RPH3A: variants seen among roughly 807,000 people sequenced by gnomAD.
The protein encoded by RPH3A is rabphilin 3A, also known as rabphilin-3A.
RPH3A carries 48 observed loss-of-function variants against 102.2 expected under a neutral mutation model. The observed-to-expected ratio is 0.47, with a 90% CI of 0.37 to 0.60. RPH3A has a LOEUF of 0.60. RPH3A is among the 20% of genes least tolerant of loss of function. The pLI is 0.00. For synonymous variants in RPH3A, 310 were observed against 324.3 expected (o/e 0.96, Z 0.47); for missense variants, 781 against 910.1 (o/e 0.86, Z 1.83).
intron 2 of RPH3A, among the ~76,000 whole-genome samples, chr12:112,822,557 G>T (rs1430011269): frequency 6.6e-6 from 1 of 152,224 alleles, no homozygotes. Context: ...TGGCAAAGGA[G>T]GAGAAGGGAG....
chr12:112,864,097 A>C (rs1006496142), intron 5 of RPH3A, among the ~76,000 whole-genome samples: 1 of 152,230 alleles, frequency 6.6e-6, no homozygotes, highest in African/African-American at 2.4e-5. Flanking sequence ...CCAGGTTGCT[A>C]GTAGAGTGAA....
At chr12:112,708,219 G>T (rs981968884) in intron 1 of RPH3A, among the ~76,000 whole-genome samples, 1 of 152,114 alleles carries the variant, frequency 6.6e-6, no homozygotes, top group Non-Finnish European at 1.5e-5. Flanking sequence ...AGGTCAAATG[G>T]CAACCTGATC....
At chr12:112,687,109 C>T (rs2040271453) in intron 1 of RPH3A, among the ~76,000 whole-genome samples, 1 of 152,076 alleles carries the variant, frequency 6.6e-6, no homozygotes, top group African/African-American at 2.4e-5. Context: ...CAGAGTGAGA[C>T]CCCATTTTTT....
At chr12:112,888,951 A>G (rs977130575) in intron 17 of RPH3A, among the ~76,000 whole-genome samples, 9 of 151,884 alleles carry the variant, frequency 5.9e-5, no homozygotes, top group African/African-American at 4.8e-5. Flanking sequence ...GTCTCTGGGC[A>G]CTGGCCAGAG....
At chr12:112,689,460 G>A (rs1418130219) in intron 1 of RPH3A, among the ~76,000 whole-genome samples, 5 of 152,158 alleles carry the variant, frequency 3.3e-5, no homozygotes, top group Non-Finnish European at 7.3e-5. Context: ...TATATTCAAA[G>A]CTAAATAAAA....
At chr12:112,620,948 C>T (rs2135980172) in intron 1 of RPH3A, among the ~76,000 whole-genome samples, 1 of 152,298 alleles carries the variant, frequency 6.6e-6, no homozygotes, top group African/African-American at 2.4e-5. Flanking sequence ...CCAGTAGTCT[C>T]TGGCCCTCCT....
chr12:112,841,661 T>A (rs2042146792), intron 4 of RPH3A, among the ~76,000 whole-genome samples: 1 of 152,078 alleles, frequency 6.6e-6, no homozygotes, highest in South Asian at 2.1e-4. Flanking sequence ...AGGGTTTGAA[T>A]GCAGATTGAT....
In RPH3A at chr12:112,632,683, G is replaced by A. The variant is rs1444718914; in HGVS notation, c.-140+57364G>A. On this transcript the variant is annotated intron_variant, in intron 1 of 21. Coordinates refer to the RPH3A transcript ENST00000543106. Reference sequence around the variant, plus strand: ...CGTTTTTGTGTCCCCTCTCCTTCAGGGGACATGTGGCCATGCCTGGAGACA... The same window carrying A: ...CGTTTTTGTGTCCCCTCTCCTTCAGAGGACATGTGGCCATGCCTGGAGACA... 2.6e-5 allele frequency among the ~76,000 whole-genome samples: 4 copies of A among 152,124 alleles called. No homozygotes were observed. The East Asian group carries it at 7.7e-4, about 29-fold the overall frequency.
intron 2 of RPH3A, among the ~76,000 whole-genome samples, chr12:112,801,418 G>A (rs1243067967): frequency 6.6e-6 from 1 of 152,194 alleles, no homozygotes; most frequent in East Asian, 1.9e-4. Context: ...CCTTGGAAGG[G>A]TTTATCTGAC....
At chr12:112,772,701 G>A (rs1414728513) in intron 1 of RPH3A, among the ~76,000 whole-genome samples, 1 of 150,778 alleles carries the variant, frequency 6.6e-6, no homozygotes, top group East Asian at 1.9e-4. Context: ...ATTCTCTTAG[G>A]CTTGCACAGA....
At chr12:112,670,051 A>G (rs928937884) in intron 1 of RPH3A, among the ~76,000 whole-genome samples, 2 of 152,164 alleles carry the variant, frequency 1.3e-5, no homozygotes, top group Non-Finnish European at 2.9e-5. Flanking sequence ...TGTAGAATTT[A>G]TTTTCAGAAA....
chr12:112,828,236 G>A (rs1593052238), intron 2 of RPH3A, 65 bp from the exon 3 acceptor site: 2 of 1,087,204 alleles, frequency 1.8e-6, no homozygotes, highest in Middle Eastern at 2.0e-4. Flanking sequence ...CATAAAGCAG[G>A]GATTTGGGAA....
At chr12:112,609,380 C>T (rs996999663) in intron 1 of RPH3A, among the ~76,000 whole-genome samples, 5 of 152,214 alleles carry the variant, frequency 3.3e-5, no homozygotes, top group Admixed American at 6.5e-5. Context: ...ACCATTCACT[C>T]ACATTCTCTG....
At chr12:112,688,987 T>A (rs2040287453) in intron 1 of RPH3A, among the ~76,000 whole-genome samples, 1 of 152,242 alleles carries the variant, frequency 6.6e-6, no homozygotes, top group Non-Finnish European at 1.5e-5. Flanking sequence ...AATTTAGATC[T>A]TTTAACACTG....
chr12:112,712,901 T>C (rs866662662), intron 1 of RPH3A, among the ~76,000 whole-genome samples: 19 of 130,272 alleles, frequency 1.5e-4, no homozygotes, highest in South Asian at 1.2e-3. Flanking sequence ...CTTCTTCTTC[T>C]TCCTCTTCTT....
chr12:112,831,930 C>T lies in RPH3A; in HGVS notation c.71+3541C>T, dbSNP rs1023887143. 4.1e-5 allele frequency: 15 copies of T among 365,282 alleles called. No homozygotes were observed. The Middle Eastern group carries it at 1.1e-3, about 26-fold the overall frequency. 22.6% of individuals were successfully genotyped at this position (365,282 alleles called of 1,614,324 possible). A position where few individuals can be genotyped will look rare whatever the true frequency, so the allele number is the denominator to read the frequency against. ...TCTTATTGCTTTTTTCTACTTGGTGCATGTTGTACTTCCTGAAACAGTGGA... is the reference window on the plus strand; with the variant it reads ...TCTTATTGCTTTTTTCTACTTGGTGTATGTTGTACTTCCTGAAACAGTGGA... On this transcript the variant is annotated intron_variant, in intron 3 of 21. Coordinates refer to ENST00000389385, the MANE Select transcript of RPH3A (RefSeq NM_001143854.2).
At chr12:112,582,521 A>C (rs2039407095) in intron 1 of RPH3A, among the ~76,000 whole-genome samples, 1 of 146,310 alleles carries the variant, frequency 6.8e-6, no homozygotes, top group African/African-American at 2.6e-5. Context: ...ATCATAGCTC[A>C]CTGTAGCCTT....
chr12:112,616,398 C>T (rs977381611), intron 1 of RPH3A, among the ~76,000 whole-genome samples: 15 of 152,158 alleles, frequency 9.9e-5, no homozygotes, highest in East Asian at 1.9e-4. Flanking sequence ...CCTCCTGCCT[C>T]GGCCTCCCAA....
chr12:112,850,517 A>G lies in RPH3A; in HGVS notation c.230+2675A>G, dbSNP rs145637770. Among the ~76,000 whole-genome samples, 362 of 152,230 alleles carry G rather than the reference A, an allele frequency of 2.4e-3. 2 individuals are homozygous for G. Among genetic ancestry groups the G allele is most frequent in the African/African-American group, 7.5e-3 (312 of 41,552 alleles). ...GACAGAATGTCCCTTTGCTGAGACA[A>G]TGTGTTTTCTGCCTGGCTTCCCAGA... On this transcript the variant is annotated intron_variant, in intron 5 of 21. Coordinates refer to ENST00000389385, the MANE Select transcript of RPH3A (RefSeq NM_001143854.2).
Sources: allele counts gnomAD v4.1 joint callset (sites outside exome capture counted in the v4.1 genomes callset), GRCh38; gene constraint gnomAD v4.1.1; transcripts MANE v1.5; gene names NCBI Gene and HGNC (gene_info 2026-07-23, HGNC 2026-07-21).